The following SLC44A1 variants were observed in gnomAD, a reference collection of about 807,000 sequenced individuals.
SLC44A1 encodes the protein solute carrier family 44 member 1, also known as choline transporter-like protein 1.
SLC44A1 carries 26 observed loss-of-function variants against 79.3 expected under a neutral mutation model. The observed-to-expected ratio is 0.33, with a 90% CI of 0.24 to 0.46. The LOEUF is 0.46. SLC44A1 is among the 20% of genes least tolerant of loss of function. SLC44A1 has a pLI of 1.00. For synonymous variants in SLC44A1, 263 were observed against 286.2 expected (o/e 0.92, Z 0.82); for missense variants, 688 against 798.1 (o/e 0.86, Z 1.66).
At position 105,391,271 on chromosome 9, in the gene SLC44A1, C is replaced by G. The variant is rs978807790; in HGVS notation, c.*2215C>G. ...GCAATCTCAGCTATTTGGAAGCTAC[C>G]AGGAATGCTTTCTAATTATCATTTG... On this transcript the variant is annotated 3_prime_UTR_variant, in exon 16 of 16. Coordinates refer to ENST00000374720, the MANE Select transcript of SLC44A1 (RefSeq NM_080546.5). The G allele has an allele frequency of 1.4e-5, 14 of 985,740 alleles. No homozygotes were observed. The highest frequency in any genetic ancestry group is 1.7e-5 in the Non-Finnish European group (14 of 829,880). The allele number at this position is 985,740 out of a possible 1,614,324, so 61.1% of individuals were successfully genotyped here. A position where few individuals can be genotyped will look rare whatever the true frequency, so the allele number is the denominator to read the frequency against.
intron 4 of SLC44A1, among the ~76,000 whole-genome samples, chr9:105,344,789 C>T (rs1434439504): frequency 6.6e-6 from 1 of 151,978 alleles, no homozygotes; most frequent in Non-Finnish European, 1.5e-5. Flanking sequence ...GATATATAAA[C>T]AAAAAATTAC....
intron 3 of SLC44A1, among the ~76,000 whole-genome samples, chr9:105,324,055 G>A (rs1053554103): frequency 6.6e-6 from 1 of 152,204 alleles, no homozygotes; most frequent in East Asian, 1.9e-4. Flanking sequence ...AGGCTGGAGT[G>A]CAGTGGTGCG....
chr9:105,373,031 A>G (rs1438302778), intron 12 of SLC44A1, among the ~76,000 whole-genome samples: 12 of 152,176 alleles, frequency 7.9e-5, no homozygotes, highest in Non-Finnish European at 1.6e-4. Context: ...TGCATTTTTA[A>G]TCAGTGAATT....
Position 105,284,702 on chromosome 9 carries a change from T to G in SLC44A1, c.37-14518T>G, listed in dbSNP as rs573682290. On this transcript the variant is annotated intron_variant, in intron 1 of 15. Coordinates refer to ENST00000374720, the MANE Select transcript of SLC44A1 (RefSeq NM_080546.5). ...CTATATGAAAAGTGTTCATATGGAG[T>G]CTGTCATGAAGTCAGCAGAACTCTG... 2.6e-5 allele frequency among the ~76,000 whole-genome samples: 4 copies of G among 152,218 alleles called. No homozygotes were observed. The South Asian group carries it at 8.3e-4, about 32-fold the overall frequency.
Position 105,421,643 on chromosome 9 carries a change from A to G in SLC44A1, c.1951-16638A>G, listed in dbSNP as rs530386069. On this transcript the variant is annotated intron_variant, in intron 15 of 15. Transcript: ENST00000374724. Reference sequence around the variant, plus strand: ...TCTGTCGCCCAGGTAGGCAGAGTGCAGTGGCGCGATCTCGGCTCACTGCAA... The same window carrying G: ...TCTGTCGCCCAGGTAGGCAGAGTGCGGTGGCGCGATCTCGGCTCACTGCAA... 2.1e-5 allele frequency among the ~76,000 whole-genome samples: 3 copies of G among 145,868 alleles called. No homozygotes were observed. In the South Asian group the frequency reaches 6.4e-4, roughly 31 times the overall value.
At chr9:105,347,725 A>C (rs1827283740) in intron 4 of SLC44A1, among the ~76,000 whole-genome samples, 1 of 152,056 alleles carries the variant, frequency 6.6e-6, no homozygotes, top group South Asian at 2.1e-4. Flanking sequence ...TCTGAAAACT[A>C]GGAATCACTT....
chr9:105,386,165 C>T (rs1225924528), intron 15 of SLC44A1: 2 of 976,098 alleles, frequency 2.0e-6, no homozygotes, highest in African/African-American at 3.5e-5. Context: ...TGTATATGTA[C>T]ACAAATATAT....
chr9:105,390,613 G>A lies in SLC44A1; in HGVS notation c.*1557G>A, dbSNP rs1362334979. 4.1e-6 allele frequency: 4 copies of A among 985,596 alleles called. No individual in the cohort carries two copies. The highest frequency in any genetic ancestry group is 4.8e-6 in the Non-Finnish European group (4 of 829,900). 61.1% of individuals were successfully genotyped at this position (985,596 alleles called of 1,614,324 possible). On this transcript the variant is annotated 3_prime_UTR_variant, in exon 16 of 16. Coordinates refer to ENST00000374720, the MANE Select transcript of SLC44A1 (RefSeq NM_080546.5). ...GTTTGCTAATGTGCTTCCTTTCAAA[G>A]GGTTGGACCTTTAAATTGCTGCAAA...
At chr9:105,272,176 T>C (rs1327191980) in intron 1 of SLC44A1, among the ~76,000 whole-genome samples, 1 of 152,236 alleles carries the variant, frequency 6.6e-6, no homozygotes, top group Non-Finnish European at 1.5e-5. Context: ...GGACTCTTTC[T>C]ACTGAATTAA....
At chr9:105,405,410 T>C (rs1829017472) in intron 15 of SLC44A1, among the ~76,000 whole-genome samples, 1 of 141,734 alleles carries the variant, frequency 7.1e-6, no homozygotes. Flanking sequence ...AAAACGATGA[T>C]CAAATTGACA....
rs1054876417 is a variant in SLC44A1 at position 105,244,971 on chromosome 9, GCC to G, written c.36+69_36+70del. 9.3e-6 allele frequency: 7 copies of G among 755,010 alleles called. No homozygotes were observed. In the Admixed American group the frequency reaches 2.6e-4, roughly 28 times the overall value. The allele number at this position is 755,010 out of a possible 1,614,324, so 46.8% of individuals were successfully genotyped here. A position where few individuals can be genotyped will look rare whatever the true frequency, so the allele number is the denominator to read the frequency against. ...CCGTGCGCCGCGTCGCGCGGCGGGC[GCC>G]CGCCGCCCGATACCTCTCGCTGTCC... On this transcript the variant is annotated intron_variant, in intron 1 of 15. Coordinates refer to ENST00000374720, the MANE Select transcript of SLC44A1 (RefSeq NM_080546.5).
intron 15 of SLC44A1, among the ~76,000 whole-genome samples, chr9:105,437,067 T>A (rs1036542526): frequency 1.3e-5 from 2 of 152,210 alleles, no homozygotes; most frequent in African/African-American, 4.8e-5. Context: ...GCTTGTTTGA[T>A]AATCAAACTG....
downstream of SLC44A1, among the ~76,000 whole-genome samples, chr9:105,398,416 T>C (rs1245049752): frequency 1.3e-5 from 2 of 152,196 alleles, no homozygotes; most frequent in Non-Finnish European, 2.9e-5. Flanking sequence ...TGAGATTCTG[T>C]AGAATATTAA....
chr9:105,359,986 C>T (rs926422776), intron 7 of SLC44A1, among the ~76,000 whole-genome samples: 1 of 152,120 alleles, frequency 6.6e-6, no homozygotes, highest in Non-Finnish European at 1.5e-5. Flanking sequence ...ATCATATCAG[C>T]CACACACACA....
At chr9:105,427,063 GTA>G in intron 15 of SLC44A1, among the ~76,000 whole-genome samples, 1 of 151,876 alleles carries the variant, frequency 6.6e-6, no homozygotes, top group African/African-American at 2.4e-5. Context: ...AGCCTCTGGA[GTA>G]GCTGGGACTA....
chr9:105,280,166 T>C (rs1296794229), intron 1 of SLC44A1, among the ~76,000 whole-genome samples: 2 of 152,216 alleles, frequency 1.3e-5, no homozygotes, highest in Non-Finnish European at 2.9e-5. Context: ...AAAATGATTC[T>C]AAGCAAGAAG....
chr9:105,297,280 C>T (rs327993), intron 1 of SLC44A1, among the ~76,000 whole-genome samples: 34,046 of 152,112 alleles, frequency 0.22, 6,950 homozygotes, highest in African/African-American at 0.55. Context: ...TCCAATTCTC[C>T]GCCCTCATTG....
At position 105,395,887 on chromosome 9, in the gene SLC44A1, TC is replaced by T. The variant is rs557082778; in HGVS notation, c.*6833del. 44 of 980,624 alleles carry T rather than the reference TC, an allele frequency of 4.5e-5. No homozygotes were observed. In the African/African-American group the frequency reaches 6.8e-4, roughly 15 times the overall value. The allele number at this position is 980,624 out of a possible 1,614,324, so 60.7% of individuals were successfully genotyped here. ...CCTTCTTCATTTACCATGTTGATAA[TC>T]CGGTGGTGACTTTTTTTTTTTTTTT... On this transcript the variant is annotated 3_prime_UTR_variant, in exon 16 of 16. Transcript: ENST00000374720.
At chr9:105,405,764 C>A (rs1233476861) in intron 15 of SLC44A1, among the ~76,000 whole-genome samples, 1 of 152,154 alleles carries the variant, frequency 6.6e-6, no homozygotes, top group Non-Finnish European at 1.5e-5. Flanking sequence ...AGTGATCTCC[C>A]AAGTGACATT....
Sources: allele counts gnomAD v4.1 joint callset (sites outside exome capture counted in the v4.1 genomes callset), GRCh38; gene constraint gnomAD v4.1.1; transcripts MANE v1.5; gene names NCBI Gene and HGNC (gene_info 2026-07-23, HGNC 2026-07-21).